The following CALD1 variants were observed in gnomAD, a reference collection of about 807,000 sequenced individuals.
CALD1 encodes caldesmon.
A neutral mutation model predicts 99.9 loss-of-function variants in CALD1; 33 were observed. That is an observed-to-expected ratio of 0.33 (90% CI 0.25 to 0.44). The LOEUF (loss-of-function observed/expected upper bound fraction) is 0.44, where lower values mean the gene tolerates loss of function less well. Among genes scored for constraint, CALD1 ranks in the 20% least tolerant of loss-of-function variants. CALD1 has a pLI of 1.00. For missense variants in CALD1, 861 were observed against 962.1 expected (o/e 0.89, Z 1.39); for synonymous variants, 310 against 325.0 (o/e 0.95, Z 0.50).
chr7:134,737,066 A>AAT, the CALD1 span, among the ~76,000 whole-genome samples: 1,322 of 152,236 alleles, frequency 8.7e-3, 21 homozygotes, highest in African/African-American at 0.03. Flanking sequence ...ATATATCTCA[A>AAT]ATATATATGT....
Position 134,900,392 on chromosome 7 carries a change from C to T in CALD1, c.72-28362C>T, listed in dbSNP as rs539490242. On this transcript the variant is annotated intron_variant, in intron 3 of 14. Transcript: ENST00000361675. ...CGGCTTTTGAATCAGTAAGCTGAAGCCCAGAGGGGTTAGGTACATTGGACT... is the reference window on the plus strand; with the variant it reads ...CGGCTTTTGAATCAGTAAGCTGAAGTCCAGAGGGGTTAGGTACATTGGACT... 7.2e-5 allele frequency among the ~76,000 whole-genome samples: 11 copies of T among 152,086 alleles called. No individual in the cohort carries two copies. In the East Asian group the frequency reaches 2.1e-3, roughly 29 times the overall value.
chr7:134,882,682 G>A (rs1406897031), intron 3 of CALD1, among the ~76,000 whole-genome samples: 1 of 152,176 alleles, frequency 6.6e-6, no homozygotes, highest in East Asian at 1.9e-4. Context: ...GCAGAAGTAG[G>A]ATAAGGGTAG....
chr7:134,770,681 T>C (rs1052707383), intron 1 of CALD1, among the ~76,000 whole-genome samples: 5 of 152,142 alleles, frequency 3.3e-5, no homozygotes, highest in Admixed American at 2.0e-4. Context: ...TAACTATATA[T>C]ACAAAGACCC....
At chr7:134,893,793 T>C (rs1402908468) in intron 3 of CALD1, among the ~76,000 whole-genome samples, 1 of 152,120 alleles carries the variant, frequency 6.6e-6, no homozygotes, top group Non-Finnish European at 1.5e-5. Flanking sequence ...TTTTAGGAGG[T>C]TTACTTGCCA....
At chr7:134,779,362 G>A (rs1197810947), upstream of CALD1, 2 of 281,652 alleles carry the variant, frequency 7.1e-6, no homozygotes, top group Non-Finnish European at 1.3e-5. Context: ...GAGCAGGCTG[G>A]TTTTGGCAGC....
At chr7:134,895,829 A>T (rs1181715023) in intron 3 of CALD1, among the ~76,000 whole-genome samples, 2 of 152,184 alleles carry the variant, frequency 1.3e-5, no homozygotes, top group African/African-American at 4.8e-5. Context: ...TCTTGATTTC[A>T]AAGTTTAACT....
chr7:134,933,976 A>C lies in CALD1; in HGVS notation c.1207A>C (p.Lys403Gln). Residue 403 changes from lysine (K) to glutamine (Q), a missense_variant, in exon 5 of 15, where the codon AAG becomes CAG. Lys to Gln is a moderately conservative substitution (Grantham distance 53). Transcript: ENST00000361675. ...EEKKHAMQETKIKGEKVEQKI... is the reference protein window; with the variant it reads ...EEKKHAMQETQIKGEKVEQKI... ...GAAAAAACATGCCATGCAAGAGACA[A>C]AGATAAAAGGGGAAAAGGTAGAACA... The C allele has an allele frequency of 1.2e-6, 2 of 1,614,126 alleles. No individual in the cohort carries two copies. Among genetic ancestry groups the C allele is most frequent in the Non-Finnish European group, 1.7e-6 (2 of 1,180,006 alleles).
chr7:134,872,192 A>T (rs1418358216), intron 3 of CALD1, among the ~76,000 whole-genome samples: 1 of 152,018 alleles, frequency 6.6e-6, no homozygotes, highest in African/African-American at 2.4e-5. Context: ...CCCCGTCTGT[A>T]CTAAAAATAC....
At chr7:134,843,350 C>G (rs892061274) in intron 1 of CALD1, among the ~76,000 whole-genome samples, 8 of 152,146 alleles carry the variant, frequency 5.3e-5, no homozygotes, top group African/African-American at 1.9e-4. Flanking sequence ...ACTCTCTGGC[C>G]CTTAGACCCT....
chr7:134,768,319 A>AC (rs1471621788), intron 1 of CALD1, among the ~76,000 whole-genome samples: 1 of 152,182 alleles, frequency 6.6e-6, no homozygotes, highest in African/African-American at 2.4e-5. Flanking sequence ...GACTGGCCCC[A>AC]TCAAAGTGGG....
intron 6 of CALD1, among the ~76,000 whole-genome samples, chr7:134,937,199 C>CA (rs1056004983): frequency 1.3e-5 from 2 of 152,046 alleles, no homozygotes; most frequent in Non-Finnish European, 2.9e-5. Context: ...TTTTACTGAC[C>CA]AAAGCTTTCT....
At chr7:134,856,096 G>C (rs188173639) in intron 2 of CALD1, among the ~76,000 whole-genome samples, 21 of 152,314 alleles carry the variant, frequency 1.4e-4, no homozygotes, top group Admixed American at 1.4e-3. Flanking sequence ...AAGCGAACAA[G>C]GATGCCATTT....
At chr7:134,747,306 A>G (rs1796643276) in intron 1 of CALD1, among the ~76,000 whole-genome samples, 2 of 152,152 alleles carry the variant, frequency 1.3e-5, no homozygotes, top group Admixed American at 1.3e-4. Context: ...GCCTCAGAGG[A>G]TGTTTCATAC....
At chr7:134,954,536 A>C (rs139190388) in intron 9 of CALD1, among the ~76,000 whole-genome samples, 1 of 152,346 alleles carries the variant, frequency 6.6e-6, no homozygotes, top group Non-Finnish European at 1.5e-5. Context: ...CGGACAGTGC[A>C]TCCTGACAAA....
intron 1 of CALD1, among the ~76,000 whole-genome samples, chr7:134,831,797 G>A (rs1268615976): frequency 6.6e-6 from 1 of 152,190 alleles, no homozygotes; most frequent in Non-Finnish European, 1.5e-5. Context: ...GGGGTCCACA[G>A]CAACTTCAGT....
intron 1 of CALD1, among the ~76,000 whole-genome samples, chr7:134,838,076 A>G (rs1449754053): frequency 6.6e-6 from 1 of 152,204 alleles, no homozygotes; most frequent in Non-Finnish European, 1.5e-5. Flanking sequence ...TTTTTCTTTA[A>G]TTATAAGAAA....
rs1018794015 is a variant in CALD1 at position 134,965,170 on chromosome 7, C to T, written c.2296-136C>T. Reference sequence around the variant, plus strand: ...CAACAGCTGATGGTCCTTTCAATTCCATTTCAGATCACTGGGGTAAAGTGT... The same window carrying T: ...CAACAGCTGATGGTCCTTTCAATTCTATTTCAGATCACTGGGGTAAAGTGT... On this transcript the variant is annotated intron_variant, in intron 13 of 14. Transcript: ENST00000361675. The T allele has an allele frequency of 6.3e-6, 4 of 634,354 alleles. No individual in the cohort carries two copies. In the African/African-American group the frequency reaches 7.3e-5, roughly 12 times the overall value. 39.3% of individuals were successfully genotyped at this position (634,354 alleles called of 1,614,324 possible).
At chr7:134,897,650 A>C (rs1563077499) in intron 3 of CALD1, among the ~76,000 whole-genome samples, 1 of 151,990 alleles carries the variant, frequency 6.6e-6, no homozygotes, top group Admixed American at 6.6e-5. Flanking sequence ...CCAGGCTGCC[A>C]GCTACAAGGG....
At chr7:134,931,875 T>C (rs1280636536) in intron 4 of CALD1, among the ~76,000 whole-genome samples, 1 of 152,222 alleles carries the variant, frequency 6.6e-6, no homozygotes, top group Non-Finnish European at 1.5e-5. Context: ...AGAAGGTAGA[T>C]TGTGTATACA....
Sources: gnomAD v4.1 joint callset for allele counts (sites outside exome capture counted in the v4.1 genomes callset) on GRCh38, gnomAD v4.1.1 for gene constraint, MANE v1.5 for transcripts, NCBI Gene and HGNC (gene_info 2026-07-23, HGNC 2026-07-21) for gene names.